Variants in CHM observed in about 807,000 individuals in gnomAD.
CHM encodes CHM Rab escort protein.
In CHM, 10 loss-of-function variants were observed where a neutral mutation model predicts 49.0. The ratio of observed to expected loss-of-function variants is 0.20; its 90% CI spans 0.13 to 0.35. The LOEUF is 0.35. Ranked by LOEUF, CHM falls within the 10% of genes least tolerant of loss-of-function variation. The pLI, the probability that CHM is intolerant of heterozygous loss-of-function variation, is 1.00. For synonymous variants in CHM, 184 were observed against 167.5 expected, an observed-to-expected ratio of 1.10 and a Z score of -0.76; for missense variants, 455 against 478.4, an observed-to-expected ratio of 0.95 and a Z score of 0.46.
chrX:85,883,194 G>A lies in CHM; in HGVS notation c.1511-4131C>T, dbSNP rs753149074. On this transcript the variant is annotated intron_variant, in intron 12 of 14. Coordinates refer to ENST00000357749, the MANE Select transcript of CHM (RefSeq NM_000390.4). The stretch of plus-strand genomic sequence containing the variant: ...GCAGTCATTCACTCTATACAAGCAG[G>A]CAAAATTGTTCCAAATGCATTTAAA... 3.6e-5 allele frequency among the ~76,000 whole-genome samples: 4 copies of A among 111,393 alleles called. No homozygotes were observed. The South Asian group carries it at 1.5e-3, about 42-fold the overall frequency.
chrX:85,981,869 A>T, intron 2 of CHM, 60 bp from the exon 3 acceptor site: 1 of 880,435 alleles, frequency 1.1e-6, no homozygotes, highest in Non-Finnish European at 1.6e-6. Context: ...CAATTCACTG[A>T]TCTTCATCAA....
At chrX:85,913,750 CA>C (rs780973221) in intron 8 of CHM, among the ~76,000 whole-genome samples, 1 of 110,589 alleles carries the variant, frequency 9.0e-6, no homozygotes, top group Admixed American at 9.7e-5. Flanking sequence ...AGTGGCATTA[CA>C]AAACAGTGGG....
intron 12 of CHM, among the ~76,000 whole-genome samples, chrX:85,890,783 G>A (rs755813404): frequency 1.7e-3 from 185 of 111,704 alleles, no homozygotes; most frequent in Non-Finnish European, 3.0e-3. Context: ...AAAGATACCC[G>A]AAAATGTGAA....
intron 14 of CHM, among the ~76,000 whole-genome samples, chrX:85,868,349 C>T (rs1013131421): frequency 9.0e-6 from 1 of 110,575 alleles, no homozygotes; most frequent in Admixed American, 9.7e-5. Flanking sequence ...TTTATTATGG[C>T]TATTTGGAAA....
chrX:85,960,952 C>T (rs760576589), intron 5 of CHM, among the ~76,000 whole-genome samples: 9 of 111,466 alleles, frequency 8.1e-5, no homozygotes, highest in South Asian at 7.5e-4. Flanking sequence ...TGACACTATA[C>T]GTATTTTATT....
At chrX:85,963,408 G>A (rs1930397485) in intron 5 of CHM, among the ~76,000 whole-genome samples, 1 of 112,628 alleles carries the variant, frequency 8.9e-6, no homozygotes, top group African/African-American at 3.2e-5. Flanking sequence ...AGTGTCCAGA[G>A]AATATTAGGT....
At chrX:85,877,207 T>C (rs895273247) in intron 13 of CHM, among the ~76,000 whole-genome samples, 29 of 111,917 alleles carry the variant, frequency 2.6e-4, no homozygotes, top group African/African-American at 9.4e-4. Flanking sequence ...TAAAATAATT[T>C]AATTTGTAAA....
At position 86,013,169 on chromosome X, in the gene CHM, G is replaced by A. The variant is rs146189621; in HGVS notation, c.116+14322C>T. 6.6e-3 allele frequency among the ~76,000 whole-genome samples: 734 copies of A among 111,107 alleles called. 14 individuals carry two copies. The highest frequency in any genetic ancestry group is 0.023 in the African/African-American group (710 of 30,559). On this transcript the variant is annotated intron_variant, in intron 2 of 14. Coordinates refer to ENST00000357749, the MANE Select transcript of CHM (RefSeq NM_000390.4). The stretch of plus-strand genomic sequence containing the variant: ...CTGGAGTCCCCTTTCCTCTTCCATC[G>A]CTCAATAAAATTCTTCTCTGCCCAT...
At chrX:86,045,060 T>C (rs374271689) in intron 1 of CHM, among the ~76,000 whole-genome samples, 177 of 112,375 alleles carry the variant, frequency 1.6e-3, no homozygotes, top group East Asian at 4.5e-3. Flanking sequence ...TTATCTTCCA[T>C]GATTATACTT....
intron 8 of CHM, among the ~76,000 whole-genome samples, chrX:85,941,154 A>G (rs764193369): frequency 8.9e-6 from 1 of 112,323 alleles, no homozygotes; most frequent in South Asian, 3.7e-4. Flanking sequence ...ATTTACAATA[A>G]AGACACAGAT....
chrX:85,900,631 T>C lies in CHM; in HGVS notation c.1413+15A>G, dbSNP rs368724766. On this transcript the variant is annotated intron_variant, in intron 11 of 14. Coordinates refer to ENST00000357749, the MANE Select transcript of CHM (RefSeq NM_000390.4). The stretch of plus-strand genomic sequence containing the variant: ...ATATACAACTTTTATTAAAAATATA[T>C]AGGACTGAATTTACCTGTTGATCTG... The C allele has an allele frequency of 6.0e-5, 63 of 1,055,221 alleles. No homozygotes were observed. Among genetic ancestry groups the C allele is most frequent in the Non-Finnish European group, 8.0e-5 (61 of 761,536 alleles). 87.0% of individuals were successfully genotyped at this position (1,055,221 alleles called of 1,213,427 possible).
At chrX:86,040,229 C>T (rs996592010) in intron 1 of CHM, among the ~76,000 whole-genome samples, 2 of 112,189 alleles carry the variant, frequency 1.8e-5, no homozygotes, top group Admixed American at 9.4e-5. Flanking sequence ...GCACCACCCC[C>T]GGAGATGCTA....
At chrX:85,931,576 T>G (rs1053488914) in intron 8 of CHM, among the ~76,000 whole-genome samples, 44 of 111,703 alleles carry the variant, frequency 3.9e-4, no homozygotes, top group African/African-American at 1.4e-3. Context: ...AAGCTATCAC[T>G]CCTAGATGAT....
chrX:86,014,357 A>T (rs1933201711), intron 2 of CHM, among the ~76,000 whole-genome samples: 1 of 112,289 alleles, frequency 8.9e-6, no homozygotes, highest in Admixed American at 9.4e-5. Context: ...AAATCTAGAC[A>T]GCTAAGAGCA....
intron 9 of CHM, among the ~76,000 whole-genome samples, chrX:85,903,952 CAT>C (rs996521643): frequency 9.0e-6 from 1 of 111,180 alleles, no homozygotes; most frequent in African/African-American, 3.3e-5. Flanking sequence ...CAAATCAAGA[CAT>C]GTTTAAGCAA....
chrX:85,984,202 C>CA (rs1217334389), intron 2 of CHM, among the ~76,000 whole-genome samples: 5 of 103,708 alleles, frequency 4.8e-5, no homozygotes, highest in East Asian at 3.0e-4. Context: ...AACTCTGTCT[C>CA]AAAAAAAAAT....
chrX:86,018,772 A>G (rs781113291), intron 2 of CHM, among the ~76,000 whole-genome samples: 1 of 112,237 alleles, frequency 8.9e-6, no homozygotes, highest in Non-Finnish European at 1.9e-5. Flanking sequence ...AGGCTGAGTG[A>G]AAAAGGCCAA....
intron 1 of CHM, among the ~76,000 whole-genome samples, chrX:86,045,460 G>T (rs1934618546): frequency 9.1e-6 from 1 of 110,185 alleles, no homozygotes; most frequent in Admixed American, 9.7e-5. Flanking sequence ...ATAAAACCTA[G>T]AATGTGTCAC....
intron 2 of CHM, among the ~76,000 whole-genome samples, chrX:86,006,879 T>A (rs1343487160): frequency 8.9e-6 from 1 of 111,946 alleles, no homozygotes; most frequent in African/African-American, 3.3e-5. Flanking sequence ...AAGCTACCAA[T>A]GACTTTCTTC....
Sources: gnomAD v4.1 joint callset for allele counts (sites outside exome capture counted in the v4.1 genomes callset) on GRCh38, gnomAD v4.1.1 for gene constraint, MANE v1.5 for transcripts, NCBI Gene and HGNC (gene_info 2026-07-23, HGNC 2026-07-21) for gene names.